Variants in NTRK3 observed in about 807,000 individuals in gnomAD.
NTRK3 encodes the protein neurotrophic receptor tyrosine kinase 3, also known as NT-3 growth factor receptor.
NTRK3 carries 24 observed loss-of-function variants against 91.7 expected under a neutral mutation model. The ratio of observed to expected loss-of-function variants is 0.26; its 90% CI spans 0.19 to 0.37. The LOEUF is 0.37. Among genes scored for constraint, NTRK3 ranks in the 10% least tolerant of loss-of-function variants. The pLI is 1.00. For missense variants in NTRK3, 880 were observed against 1,068.9 expected (o/e 0.82, Z 2.46); for synonymous variants, 483 against 404.0 (o/e 1.20, Z -2.34).
chr15:87,959,550 A>G (rs1239715254), intron 14 of NTRK3, among the ~76,000 whole-genome samples: 1 of 152,246 alleles, frequency 6.6e-6, no homozygotes, highest in Non-Finnish European at 1.5e-5. Context: ...CTGAGTTCAT[A>G]TCGAGCTTAA....
intron 14 of NTRK3, among the ~76,000 whole-genome samples, chr15:88,008,591 A>C (rs2141721571): frequency 6.6e-6 from 1 of 152,050 alleles, no homozygotes; most frequent in African/African-American, 2.4e-5. Flanking sequence ...GAACTATATG[A>C]CCTTTAAGTG....
chr15:88,136,791 C>A (rs1258977425), intron 7 of NTRK3, among the ~76,000 whole-genome samples, 182 bp from the exon 8 acceptor site: 1 of 152,212 alleles, frequency 6.6e-6, no homozygotes, highest in African/African-American at 2.4e-5. Context: ...CAGTAGACAT[C>A]AGAACTCAGA....
intron 3 of NTRK3, among the ~76,000 whole-genome samples, chr15:88,250,158 T>C (rs2053208497): frequency 6.6e-6 from 1 of 152,166 alleles, no homozygotes; most frequent in Admixed American, 6.5e-5. Flanking sequence ...CTCTCAGGCG[T>C]AGTCCTAATG....
At chr15:87,966,766 A>G (rs962806619) in intron 14 of NTRK3, among the ~76,000 whole-genome samples, 1 of 152,118 alleles carries the variant, frequency 6.6e-6, no homozygotes, top group Non-Finnish European at 1.5e-5. Context: ...CAGGCTCCAG[A>G]TGGTCCCTTC....
intron 14 of NTRK3, chr15:87,946,363 A>G (rs1567138370): frequency 6.6e-6 from 1 of 152,246 alleles, no homozygotes. Context: ...GTCGGTGGTT[A>G]TAAATAACAG....
At chr15:87,946,603 C>T (rs534740246) in intron 14 of NTRK3, among the ~76,000 whole-genome samples, 1 of 152,202 alleles carries the variant, frequency 6.6e-6, no homozygotes, top group African/African-American at 2.4e-5. Flanking sequence ...TGAGGGCTGG[C>T]CCCTGGTGGC....
chr15:87,994,098 G>A (rs1013778701), intron 14 of NTRK3, among the ~76,000 whole-genome samples: 2 of 152,146 alleles, frequency 1.3e-5, no homozygotes, highest in Non-Finnish European at 2.9e-5. Context: ...TGTAGTGAGG[G>A]AGTGGTCATA....
At chr15:87,943,346 G>A (rs2070097224) in intron 14 of NTRK3, among the ~76,000 whole-genome samples, 1 of 152,094 alleles carries the variant, frequency 6.6e-6, no homozygotes, top group Non-Finnish European at 1.5e-5. Flanking sequence ...GAGACGTCCT[G>A]GGCTTAGCTC....
intron 5 of NTRK3, 113 bp from the exon 6 acceptor site, chr15:88,147,516 T>C: frequency 6.0e-6 from 2 of 333,180 alleles, no homozygotes; most frequent in Non-Finnish European, 9.8e-6. Context: ...CTTCTTCTTC[T>C]TCTTCTTCTT....
intron 14 of NTRK3, among the ~76,000 whole-genome samples, chr15:87,997,826 C>T (rs1308159971): frequency 2.6e-5 from 4 of 152,168 alleles, no homozygotes; most frequent in Admixed American, 6.5e-5. Flanking sequence ...CCAAAGCTCA[C>T]ACCATCCCAC....
At chr15:88,116,868 C>T (rs1370639012) in intron 13 of NTRK3, among the ~76,000 whole-genome samples, 1 of 152,172 alleles carries the variant, frequency 6.6e-6, no homozygotes, top group Admixed American at 6.5e-5. Context: ...TTGCTTGTAC[C>T]CCAATCACCC....
intron 17 of NTRK3, among the ~76,000 whole-genome samples, chr15:87,894,226 GGC>G (rs903430990): frequency 6.6e-6 from 1 of 152,152 alleles, no homozygotes; most frequent in African/African-American, 2.4e-5. Flanking sequence ...GTCTGAGGAC[GGC>G]ATCAGCTATG....
chr15:88,215,009 G>T (rs2049618571), intron 3 of NTRK3, among the ~76,000 whole-genome samples: 1 of 152,212 alleles, frequency 6.6e-6, no homozygotes, highest in African/African-American at 2.4e-5. Flanking sequence ...ACATGAGGAA[G>T]TTGACAGCCC....
chr15:87,868,544 A>G (rs2064747747), exon 19 of NTRK3: 1 of 221,080 alleles, frequency 4.5e-6, no homozygotes, highest in Non-Finnish European at 9.1e-6. Flanking sequence ...ACGTATTCTA[A>G]AACCCTGAGG....
chr15:88,094,984 G>T (rs2049435101), intron 13 of NTRK3, among the ~76,000 whole-genome samples: 1 of 152,236 alleles, frequency 6.6e-6, no homozygotes, highest in African/African-American at 2.4e-5. Flanking sequence ...CACAGATCTT[G>T]TTTAGACAAG....
At chr15:88,084,850 C>A (rs1313075409) in intron 13 of NTRK3, among the ~76,000 whole-genome samples, 1 of 152,200 alleles carries the variant, frequency 6.6e-6, no homozygotes, top group Non-Finnish European at 1.5e-5. Context: ...ACTGTAAGCT[C>A]TGGTCAGCCT....
chr15:87,918,937 G>A (rs534790005), intron 17 of NTRK3, among the ~76,000 whole-genome samples: 1 of 152,184 alleles, frequency 6.6e-6, no homozygotes, highest in Admixed American at 6.5e-5. Flanking sequence ...AAGAAACCGA[G>A]TGACTGAACT....
At chr15:88,181,098 A>T (rs1220714093) in intron 5 of NTRK3, among the ~76,000 whole-genome samples, 1 of 151,732 alleles carries the variant, frequency 6.6e-6, no homozygotes, top group Non-Finnish European at 1.5e-5. Context: ...GCACAGACAG[A>T]CTCAAATTGG....
At chr15:88,206,683 C>G (rs2048821395) in intron 3 of NTRK3, among the ~76,000 whole-genome samples, 1 of 149,076 alleles carries the variant, frequency 6.7e-6, no homozygotes, top group African/African-American at 2.4e-5. Context: ...AAAAACAAAC[C>G]TCTCCAGAAA....
Sources: allele counts gnomAD v4.1 joint callset (sites outside exome capture counted in the v4.1 genomes callset), GRCh38; gene constraint gnomAD v4.1.1; transcripts MANE v1.5; gene names NCBI Gene and HGNC (gene_info 2026-07-23, HGNC 2026-07-21).